CC2D2A: variants seen among roughly 807,000 people sequenced by gnomAD.
CC2D2A encodes coiled-coil and C2 domain-containing protein 2A.
Under a neutral mutation model 212.9 loss-of-function variants are expected in CC2D2A, and 155 were observed. That is an observed-to-expected ratio of 0.73 (90% confidence interval 0.64 to 0.83). The LOEUF (loss-of-function observed/expected upper bound fraction) is 0.83. CC2D2A is among the 40% of genes least tolerant of loss of function. CC2D2A has a pLI of 0.00. For synonymous variants in CC2D2A, 667 were observed against 686.5 expected, an observed-to-expected ratio of 0.97 and a Z score of 0.44; for missense variants, 1,856 against 1,956.2, an observed-to-expected ratio of 0.95 and a Z score of 0.97.
chr4:15,519,496 T>A (rs1369384774), intron 11 of CC2D2A: 15 of 448,544 alleles, frequency 3.3e-5, no homozygotes, highest in South Asian at 2.4e-4. Context: ...TTTTTGGGTA[T>A]CTTTTCAGTA....
chr4:15,479,077 A>T, intron 3 of CC2D2A: 1 of 704,060 alleles, frequency 1.4e-6, no homozygotes, highest in Admixed American at 2.1e-5. Context: ...CTGAGAGAGG[A>T]CTCTAGAAAA....
chr4:15,502,784 G>A (rs1716034070), intron 5 of CC2D2A, 38 bp from the exon 6 acceptor site: 3 of 1,519,640 alleles, frequency 2.0e-6, no homozygotes, highest in East Asian at 4.7e-5. Context: ...CGGCATTCCT[G>A]ACATCATGTA....
At position 15,563,344 on chromosome 4, in the gene CC2D2A, G is replaced by A. The variant is rs757678311; in HGVS notation, c.3015-11G>A. Reference sequence around the variant, plus strand: ...TTTCTTAGAGTCCTGATCCTGTTCTGTAATCATTAGCATTTTGGGCCTAAG... The same window carrying A: ...TTTCTTAGAGTCCTGATCCTGTTCTATAATCATTAGCATTTTGGGCCTAAG... On this transcript the variant is annotated splice_polypyrimidine_tract_variant and intron_variant, in intron 23 of 36. Transcript: ENST00000424120. 1.1e-5 allele frequency: 18 copies of A among 1,590,728 alleles called. No homozygotes were observed. In the East Asian group the frequency reaches 1.6e-4, roughly 14 times the overall value.
intron 4 of CC2D2A, among the ~76,000 whole-genome samples, chr4:15,490,463 T>C (rs1715236133): frequency 6.6e-6 from 1 of 152,246 alleles, no homozygotes; most frequent in Admixed American, 6.5e-5. Flanking sequence ...TATTGTAGCA[T>C]GTATCCACAT....
At chr4:15,531,695 T>C (rs767469567) in intron 13 of CC2D2A, among the ~76,000 whole-genome samples, 16 of 152,214 alleles carry the variant, frequency 1.1e-4, no homozygotes, top group Non-Finnish European at 2.1e-4. Context: ...TATTTTGTAA[T>C]TTTCTGCTTC....
chr4:15,569,918 T>C (rs1236390108), intron 27 of CC2D2A, among the ~76,000 whole-genome samples: 3 of 152,196 alleles, frequency 2.0e-5, no homozygotes, highest in Non-Finnish European at 4.4e-5. Flanking sequence ...TTTCTGGGAA[T>C]GCAGCCCAGC....
At chr4:15,502,973 TAA>T (rs1716046077) in intron 6 of CC2D2A, 50 bp downstream of exon 6, 2 of 1,442,176 alleles carry the variant, frequency 1.4e-6, no homozygotes, top group African/African-American at 2.9e-5. Flanking sequence ...AAGCAGAATA[TAA>T]AGTTTCCAGC....
At chr4:15,567,608 T>C in intron 25 of CC2D2A, 69 bp from the exon 26 acceptor site, 1 of 1,325,596 alleles carries the variant, frequency 7.5e-7, no homozygotes, top group Non-Finnish European at 1.0e-6. Flanking sequence ...GTAAATATAC[T>C]CTATTTTTGC....
chr4:15,471,647 T>C (rs1451085741), intron 1 of CC2D2A, among the ~76,000 whole-genome samples: 1 of 148,324 alleles, frequency 6.7e-6, no homozygotes, highest in African/African-American at 2.5e-5. Flanking sequence ...AAAAAACGTG[T>C]CTCAGAGAAG....
At chr4:15,556,043 C>A (rs527331570) in intron 20 of CC2D2A, among the ~76,000 whole-genome samples, 6 of 152,296 alleles carry the variant, frequency 3.9e-5, no homozygotes, top group African/African-American at 1.4e-4. Context: ...TTAGGTTTCA[C>A]TTAAGTATTT....
intron 14 of CC2D2A, among the ~76,000 whole-genome samples, chr4:15,534,640 C>T (rs1315364526): frequency 6.6e-6 from 1 of 152,158 alleles, no homozygotes; most frequent in East Asian, 1.9e-4. Context: ...TACCCATATA[C>T]TGACACAAAT....
At chr4:15,526,711 C>G (rs1029962927) in intron 11 of CC2D2A, among the ~76,000 whole-genome samples, 5 of 152,128 alleles carry the variant, frequency 3.3e-5, no homozygotes, top group Admixed American at 3.3e-4. Context: ...GGCACAAAAT[C>G]AAAGATGTCT....
chr4:15,488,666 C>T (rs1375910365), intron 4 of CC2D2A, among the ~76,000 whole-genome samples: 1 of 152,228 alleles, frequency 6.6e-6, no homozygotes, highest in Middle Eastern at 3.2e-3. Flanking sequence ...TGAGTCTAGG[C>T]TGCCCCTCAG....
chr4:15,516,736 C>T lies in CC2D2A; in HGVS notation c.1129C>T (p.Leu377Phe). Residue 377 changes from leucine to phenylalanine, a missense_variant, in exon 11 of 37, where the codon CTT (leucine) becomes TTT (phenylalanine). Transcript: ENST00000424120. Reference sequence around the variant, plus strand: ...ACAGGAGCAGAGCATTAAGGCAGAGCTTGAAACACTGTATAAAAAGGTAGA... The same window carrying T: ...ACAGGAGCAGAGCATTAAGGCAGAGTTTGAAACACTGTATAAAAAGGTAGA... ...LTQEQSIKAE[L>F]ETLYKKAVKY... 6.2e-7 allele frequency: 1 copy of T among 1,612,468 alleles called. No homozygotes were observed. Among genetic ancestry groups the T allele is most frequent in the South Asian group, 1.1e-5 (1 of 90,736 alleles).
chr4:15,515,777 A>T, intron 9 of CC2D2A, 91 bp from the exon 10 acceptor site: 1 of 1,277,266 alleles, frequency 7.8e-7, no homozygotes, highest in South Asian at 1.6e-5. Context: ...AAGAACATAA[A>T]TGAAATCTCT....
chr4:15,601,214 C>G, intron 36 of CC2D2A, 23 bp from the exon 37 acceptor site: 3 of 1,587,192 alleles, frequency 1.9e-6, no homozygotes, highest in Non-Finnish European at 2.6e-6. Flanking sequence ...TCACTAATGA[C>G]TACAAATGTT....
At chr4:15,571,777 GA>G (rs1043853446) in intron 28 of CC2D2A, among the ~76,000 whole-genome samples, 7 of 151,116 alleles carry the variant, frequency 4.6e-5, no homozygotes, top group East Asian at 1.9e-4. Context: ...ATTTTAAATG[GA>G]AAAAAAAATT....
chr4:15,557,275 T>C (rs1560181357), intron 20 of CC2D2A, 29 bp from the exon 21 acceptor site: 2 of 1,532,376 alleles, frequency 1.3e-6, no homozygotes, highest in East Asian at 2.3e-5. Context: ...GACTGTCATC[T>C]GGAGTTTTGC....
At chr4:15,580,629 C>T (rs1298615709) in intron 30 of CC2D2A, among the ~76,000 whole-genome samples, 2 of 107,360 alleles carry the variant, frequency 1.9e-5, no homozygotes, top group East Asian at 6.0e-4. Context: ...CAGAGCAAGA[C>T]TCTGTCTCAA....
Sources: allele counts gnomAD v4.1 joint callset (sites outside exome capture counted in the v4.1 genomes callset), GRCh38; gene constraint gnomAD v4.1.1; transcripts MANE v1.5; gene names NCBI Gene and HGNC (gene_info 2026-07-23, HGNC 2026-07-21).